Variants in SRP54 observed in about 807,000 individuals in gnomAD.
The protein encoded by SRP54 is signal recognition particle subunit SRP54.
A neutral mutation model predicts 64.8 loss-of-function variants in SRP54; 10 were observed. The observed-to-expected ratio is 0.15, with a 90% CI of 0.10 to 0.26. SRP54 has a LOEUF of 0.26. SRP54 is among the 10% of genes least tolerant of loss of function. SRP54 has a pLI of 1.00. For missense variants in SRP54, 325 were observed against 613.7 expected (o/e 0.53, Z 4.97); for synonymous variants, 193 against 185.6 (o/e 1.04, Z -0.32).
At chr14:35,015,958 C>A (rs1214239388) in intron 11 of SRP54, among the ~76,000 whole-genome samples, 1 of 152,140 alleles carries the variant, frequency 6.6e-6, no homozygotes, top group Non-Finnish European at 1.5e-5. Flanking sequence ...CCTCTCACCT[C>A]GTTGTCTTAT....
At position 35,001,175 on chromosome 14, in the gene SRP54, C is replaced by CTT. The variant is rs10637082; in HGVS notation, c.255+171_255+172dup. On this transcript the variant is annotated intron_variant, in intron 4 of 15. Transcript: ENST00000216774. ...AGGATTATTGAGTTTTCTTAGGGAC[C>CTT]TTTTTTTTTTTTTTTTTGAGAAGGA... 1.3e-3 allele frequency among the ~76,000 whole-genome samples: 173 copies of CTT among 129,448 alleles called. 14 individuals are homozygous for CTT. Among genetic ancestry groups the CTT allele is most frequent in the South Asian group, 4.0e-3 (16 of 4,026 alleles). 84.9% of individuals were successfully genotyped at this position (129,448 alleles called of 152,430 possible).
At chr14:35,020,651 T>A (rs1566655668) in intron 13 of SRP54, among the ~76,000 whole-genome samples, 1 of 152,212 alleles carries the variant, frequency 6.6e-6, no homozygotes, top group Non-Finnish European at 1.5e-5. Context: ...AAGACTGTCT[T>A]TTTCTTTTAA....
intron 5 of SRP54, 123 bp downstream of exon 5, chr14:35,007,510 T>A (rs2044276243): frequency 8.1e-6 from 2 of 247,480 alleles, no homozygotes; most frequent in East Asian, 1.9e-4. Flanking sequence ...TTTTATTAAT[T>A]ATAATTATTA....
chr14:34,995,146 T>TGC (rs1454945429), intron 1 of SRP54, among the ~76,000 whole-genome samples: 5 of 116,786 alleles, frequency 4.3e-5, no homozygotes, highest in African/African-American at 1.4e-4. Context: ...TGTGTGTGTG[T>TGC]GTGTGTGTGT....
At chr14:34,996,853 A>G in intron 2 of SRP54, 66 bp downstream of exon 2, 3 of 1,133,350 alleles carry the variant, frequency 2.6e-6, no homozygotes, top group Non-Finnish European at 2.7e-6. Flanking sequence ...AAGATGGCTT[A>G]TTCATAATCC....
Position 34,999,593 on chromosome 14 carries a change from T to C in SRP54, c.114T>C (p.Ala38=). 1 of 1,613,648 alleles carries C rather than the reference T, an allele frequency of 6.2e-7. No individual in the cohort carries two copies. The highest frequency in any genetic ancestry group is 8.5e-7 in the Non-Finnish European group (1 of 1,179,740). ...CTATGCTAAAAGAAGTCTGTACCGC[T>C]TTGTTGGAAGCAGATGTTAATATTA... ...LNAMLKEVCT[A]LLEADVNIKL... is the part of the protein sequence containing the mutation. The change falls in exon 3 of 16, where the codon GCT becomes GCC. Residue 38 remains alanine, a synonymous_variant. Transcript: ENST00000216774.
rs1379707763 is a variant in SRP54 at position 35,013,441 on chromosome 14, A to C, written c.732A>C (p.Ser244=). ...TTAAAGATAAAGTAGATGTAGCCTCAGTAATAGTGACAAAACTTGATGGCC... is the reference window on the plus strand; with the variant it reads ...TTAAAGATAAAGTAGATGTAGCCTCCGTAATAGTGACAAAACTTGATGGCC... The part of the protein sequence containing the change: ...KAFKDKVDVA[S]VIVTKLDGHA... Residue 244 remains serine, a synonymous_variant, in exon 9 of 16, where the codon TCA becomes TCC. Transcript: ENST00000216774. The C allele has an allele frequency of 5.0e-6, 8 of 1,614,064 alleles. No homozygotes were observed. In the East Asian group the frequency reaches 1.6e-4, roughly 31 times the overall value.
intron 14 of SRP54, among the ~76,000 whole-genome samples, chr14:35,023,776 T>C (rs1566657044): frequency 7.7e-6 from 1 of 129,052 alleles, no homozygotes; most frequent in Admixed American, 7.9e-5. Context: ...AGAGTGAGAC[T>C]CCGGTCCCCA....
At chr14:34,988,578 A>AAAAAAAAATATATAT (rs1384552218) in intron 1 of SRP54, among the ~76,000 whole-genome samples, 1 of 47,098 alleles carries the variant, frequency 2.1e-5, no homozygotes, top group Non-Finnish European at 4.8e-5. Context: ...AAAAAAAAAA[A>AAAAAAAAATATATAT]ATATATATAT....
At chr14:34,993,156 G>A (rs917849386) in intron 1 of SRP54, 1 of 152,086 alleles carries the variant, frequency 6.6e-6, no homozygotes, top group Admixed American at 6.5e-5. Context: ...CACCATGCCT[G>A]GCTTAGTATA....
chr14:34,985,369 G>C (rs1225102469), intron 1 of SRP54, among the ~76,000 whole-genome samples: 1 of 152,068 alleles, frequency 6.6e-6, no homozygotes, highest in Non-Finnish European at 1.5e-5. Context: ...CCATTCATTG[G>C]TTAATGGCAT....
chr14:35,016,858 T>TCTTTTTTTGAGACAGAGTTTCCCTC (rs2044450655), intron 11 of SRP54, among the ~76,000 whole-genome samples: 1 of 138,358 alleles, frequency 7.2e-6, no homozygotes, highest in African/African-American at 2.6e-5. Context: ...TTTTTTTTTT[T>TCTTTTTTTGAGACAGAGTTTCCCTC]TTCTTCTTTT....
chr14:34,996,876 G>A (rs1436514670), intron 2 of SRP54, 89 bp downstream of exon 2: 4 of 943,996 alleles, frequency 4.2e-6, no homozygotes, highest in African/African-American at 1.6e-5. Flanking sequence ...GTATTTATAT[G>A]TATTTTGATG....
chr14:35,013,184 A>G (rs572402094), intron 8 of SRP54, among the ~76,000 whole-genome samples, 162 bp from the exon 9 acceptor site: 3 of 152,064 alleles, frequency 2.0e-5, no homozygotes, highest in Admixed American at 6.6e-5. Flanking sequence ...GTCTTGAACT[A>G]TCTCAGGTGA....
intron 8 of SRP54, among the ~76,000 whole-genome samples, chr14:35,011,932 A>G (rs2044362628): frequency 1.3e-5 from 2 of 152,150 alleles, no homozygotes; most frequent in Admixed American, 6.6e-5. Context: ...AAAAATTAGT[A>G]ATTAGGCCGG....
At chr14:35,024,520 A>C (rs1441956413) in intron 14 of SRP54, among the ~76,000 whole-genome samples, 1 of 152,100 alleles carries the variant, frequency 6.6e-6, no homozygotes, top group Admixed American at 6.6e-5. Context: ...TATGTCTTCA[A>C]ATATTTTCCC....
chr14:35,017,460 C>T (rs1443047912), intron 11 of SRP54, among the ~76,000 whole-genome samples: 1 of 152,162 alleles, frequency 6.6e-6, no homozygotes, highest in Non-Finnish European at 1.5e-5. Context: ...ATTATCACTT[C>T]TGTATAAATG....
At chr14:35,008,946 G>A (rs1282194572) in intron 7 of SRP54, 115 bp downstream of exon 7, 3 of 794,180 alleles carry the variant, frequency 3.8e-6, no homozygotes, top group Non-Finnish European at 5.8e-6. Flanking sequence ...GGGTGCAATG[G>A]TGCGATCTTG....
chr14:35,018,937 T>G, intron 12 of SRP54, 29 bp from the exon 13 acceptor site: 3 of 1,585,506 alleles, frequency 1.9e-6, no homozygotes, highest in Non-Finnish European at 2.6e-6. Flanking sequence ...CTTAAGCTAC[T>G]ATTGACTTTA....
Sources: gnomAD v4.1 joint callset for allele counts (sites outside exome capture counted in the v4.1 genomes callset) on GRCh38, gnomAD v4.1.1 for gene constraint, MANE v1.5 for transcripts, NCBI Gene and HGNC (gene_info 2026-07-23, HGNC 2026-07-21) for gene names.